The following ACACA variants were observed in gnomAD, a reference collection of about 807,000 sequenced individuals.
ACACA encodes acetyl-CoA carboxylase alpha, also known as acetyl-CoA carboxylase 1.
In ACACA, 103 loss-of-function variants were observed where a neutral mutation model predicts 296.1. The ratio of observed to expected loss-of-function variants is 0.35; its 90% CI spans 0.30 to 0.41. The LOEUF is 0.41. Among genes scored for constraint, ACACA ranks in the 10% least tolerant of loss-of-function variants. The pLI is 1.00. For missense variants in ACACA, 1,554 were observed against 2,989.7 expected (o/e 0.52, Z 11.20); for synonymous variants, 953 against 1,038.6 (o/e 0.92, Z 1.58).
chr17:37,129,582 C>A (rs923952836), intron 46 of ACACA, 97 bp from the exon 47 acceptor site: 18 of 1,515,098 alleles, frequency 1.2e-5, no homozygotes, highest in South Asian at 1.2e-4. Flanking sequence ...GCAGGGCCCA[C>A]GTATGGAATT....
intron 1 of ACACA, among the ~76,000 whole-genome samples, chr17:37,363,437 TC>T (rs2049491010): frequency 6.6e-6 from 1 of 151,802 alleles, no homozygotes; most frequent in Non-Finnish European, 1.5e-5. Flanking sequence ...CGCCTTGGCC[TC>T]CCAAAGTGCT....
In ACACA at chr17:37,181,545, AAT is replaced by A. The variant is rs760922511; in HGVS notation, c.4777-191_4777-190del. Among the ~76,000 whole-genome samples the A allele has an allele frequency of 8.9e-4, 135 of 151,914 alleles. 2 individuals are homozygous for A. The highest frequency in any genetic ancestry group is 8.7e-3 in the Admixed American group (133 of 15,226). ...CTCCACAGATTAACCAACTCCAAAAAATATATATATATAACCAGCCATATACC... is the reference window on the plus strand; with the variant it reads ...CTCCACAGATTAACCAACTCCAAAAAATATATATATAACCAGCCATATACC... On this transcript the variant is annotated intron_variant, in intron 39 of 55. Transcript: ENST00000616317.
intron 39 of ACACA, 35 bp from the exon 40 acceptor site, chr17:37,181,391 G>A (rs955936548): frequency 1.2e-6 from 2 of 1,613,296 alleles, no homozygotes; most frequent in South Asian, 1.1e-5. Context: ...GGAGTTAAGA[G>A]ACAGAAAAAA....
At chr17:37,403,447 A>G (rs1323404164) in intron 1 of ACACA, among the ~76,000 whole-genome samples, 1 of 147,916 alleles carries the variant, frequency 6.8e-6, no homozygotes, top group African/African-American at 2.5e-5. Flanking sequence ...TACTGGGTCA[A>G]TGCAGCCTCA....
intron 1 of ACACA, chr17:37,365,637 A>C: frequency 1.0e-6 from 1 of 985,398 alleles, no homozygotes; most frequent in Non-Finnish European, 1.2e-6. Context: ...TCTGAATACT[A>C]TGTCTCTTTG....
chr17:37,139,674 G>C, intron 45 of ACACA, among the ~76,000 whole-genome samples: 1 of 152,306 alleles, frequency 6.6e-6, no homozygotes, highest in Middle Eastern at 3.4e-3. Context: ...GGAGATAATC[G>C]GGCTCCGAAG....
Position 37,185,402 on chromosome 17 carries a change from C to CTTTTTTTT in ACACA, c.4776+2867_4776+2874dup, listed in dbSNP as rs67821579. Among the ~76,000 whole-genome samples, 51 of 48,436 alleles carry CTTTTTTTT rather than the reference C, an allele frequency of 1.1e-3. 10 individuals carry two copies. Among genetic ancestry groups the CTTTTTTTT allele is most frequent in the African/African-American group, 3.7e-3 (40 of 10,844 alleles). 31.8% of individuals were successfully genotyped at this position (48,436 alleles called of 152,430 possible). Reference sequence around the variant, plus strand: ...TGCATGACACCATGCCTGGCTATTTCTTTTTTTTTTTTTTTTTTTTTTTTT... The same window carrying CTTTTTTTT: ...TGCATGACACCATGCCTGGCTATTTCTTTTTTTTTTTTTTTTTTTTTTTTTTTTTTTTT... On this transcript the variant is annotated intron_variant, in intron 39 of 55. Coordinates refer to ENST00000616317, the MANE Select transcript of ACACA (RefSeq NM_198834.3).
At chr17:37,285,099 T>A in intron 3 of ACACA, 129 bp from the exon 4 acceptor site, 1 of 1,058,898 alleles carries the variant, frequency 9.4e-7, no homozygotes, top group Middle Eastern at 2.1e-4. Flanking sequence ...GTCACGTACT[T>A]TTCAAATAAA....
At chr17:37,198,160 A>G (rs1329819730) in intron 35 of ACACA, among the ~76,000 whole-genome samples, 2 of 152,198 alleles carry the variant, frequency 1.3e-5, no homozygotes, top group Admixed American at 6.5e-5. Flanking sequence ...AGAGATAAGA[A>G]AGGGTTTTTT....
intron 1 of ACACA, among the ~76,000 whole-genome samples, chr17:37,379,538 A>G (rs989299002): frequency 8.5e-5 from 13 of 152,174 alleles, no homozygotes; most frequent in Non-Finnish European, 1.9e-4. Context: ...GTTTGAGTTC[A>G]TTGTAGATTC....
chr17:37,270,130 A>G (rs954381160), intron 10 of ACACA, among the ~76,000 whole-genome samples: 3 of 152,182 alleles, frequency 2.0e-5, no homozygotes, highest in African/African-American at 4.8e-5. Flanking sequence ...TCCTACATCG[A>G]GCTTTCCTGA....
chr17:37,216,759 TAAAAATC>T (rs1269608513), intron 29 of ACACA, among the ~76,000 whole-genome samples: 1 of 151,184 alleles, frequency 6.6e-6, no homozygotes, highest in African/African-American at 2.4e-5. Flanking sequence ...CCTACTTCTC[TAAAAATC>T]AAAATAGGTC....
At chr17:37,140,951 T>A (rs1421047020) in intron 45 of ACACA, 2 of 330,760 alleles carry the variant, frequency 6.0e-6, no homozygotes, top group South Asian at 2.7e-5. Context: ...TTGCAAGGAA[T>A]GGTGTGGGCC....
At chr17:37,134,263 G>A (rs964699122) in intron 45 of ACACA, among the ~76,000 whole-genome samples, 3 of 152,120 alleles carry the variant, frequency 2.0e-5, no homozygotes, top group South Asian at 2.1e-4. Flanking sequence ...CTAATATACC[G>A]CCTGCTCTCT....
rs2073035930 is a variant in ACACA, at chr17:37,096,996, C to T, written c.6891G>A (p.Lys2297=). 6.2e-7 allele frequency: 1 copy of T among 1,613,994 alleles called. No individual in the cohort carries two copies. Among genetic ancestry groups the T allele is most frequent in the Non-Finnish European group, 8.5e-7 (1 of 1,180,044 alleles). ...GCTTCTCTTTGAGTGTCCCACCTAC[C>T]TTCACTGTTCCTTCCACTTCCACAA... The part of the protein sequence containing the change: ...RWFVEVEGTV[K]AYVWDNNKDL... Residue 2297 remains lysine (K), a splice_region_variant and synonymous_variant, in exon 54 of 56, where the codon AAG becomes AAA. Coordinates refer to ENST00000616317, the MANE Select transcript of ACACA (RefSeq NM_198834.3).
chr17:37,248,748 G>T, intron 16 of ACACA, 74 bp from the exon 17 acceptor site: 2 of 1,097,944 alleles, frequency 1.8e-6, no homozygotes, highest in Non-Finnish European at 2.8e-6. Flanking sequence ...ATTATTGATT[G>T]TAGCATTTCC....
rs372608729 is a variant in ACACA, at chr17:37,117,093, G to A, written c.6275-3828C>T. On this transcript the variant is annotated intron_variant, in intron 50 of 55. Coordinates refer to ENST00000616317, the MANE Select transcript of ACACA (RefSeq NM_198834.3). ...ACCAACCCTGCCTAGGGCTTTTATT[G>A]TTATAAACATGGATAAACCGTGGCA... Among the ~76,000 whole-genome samples, 6 of 152,284 alleles carry A rather than the reference G, an allele frequency of 3.9e-5. No individual in the cohort carries two copies. The East Asian group carries it at 1.2e-3, about 29-fold the overall frequency.
chr17:37,223,853 GCTAATATAAGTGT>G (rs1174423514), intron 27 of ACACA, among the ~76,000 whole-genome samples: 1 of 152,206 alleles, frequency 6.6e-6, no homozygotes, highest in African/African-American at 2.4e-5. Context: ...TTATTTGTAT[GCTAATATAAGTGT>G]TTATGACTGT....
intron 19 of ACACA, 65 bp from the exon 20 acceptor site, chr17:37,245,279 C>T (rs1219703038): frequency 1.9e-6 from 3 of 1,576,020 alleles, no homozygotes; most frequent in African/African-American, 2.7e-5. Flanking sequence ...CTTAAAAGAA[C>T]TAAAATTTTT....
Sources: allele counts gnomAD v4.1 joint callset (sites outside exome capture counted in the v4.1 genomes callset), GRCh38; gene constraint gnomAD v4.1.1; transcripts MANE v1.5; gene names NCBI Gene and HGNC (gene_info 2026-07-23, HGNC 2026-07-21).